Variants in TFEC observed in about 807,000 individuals in gnomAD.
TFEC encodes class E basic helix-loop-helix protein 34.
TFEC carries 31 observed loss-of-function variants against 41.6 expected under a neutral mutation model. The observed-to-expected ratio is 0.74, with a 90% CI of 0.56 to 1.01. TFEC has a LOEUF of 1.01. Ranked by LOEUF, TFEC falls within the 50% of genes least tolerant of loss-of-function variation. The pLI, the probability that TFEC is intolerant of heterozygous loss-of-function variation, is 0.00. For synonymous variants in TFEC, 143 were observed against 140.6 expected (o/e 1.02, Z -0.12); for missense variants, 402 against 404.1 (o/e 0.99, Z 0.04).
chr7:116,010,135 G>A (rs896596794), intron 1 of TFEC, among the ~76,000 whole-genome samples: 1 of 152,154 alleles, frequency 6.6e-6, no homozygotes, highest in African/African-American at 2.4e-5. Context: ...TGGAGCTAGA[G>A]CAGAAAAATA....
chr7:116,027,414 C>T (rs922131670), intron 1 of TFEC, among the ~76,000 whole-genome samples: 5 of 151,938 alleles, frequency 3.3e-5, no homozygotes, highest in African/African-American at 1.2e-4. Flanking sequence ...GACCCCCCAT[C>T]TCTACAAAAA....
intron 1 of TFEC, among the ~76,000 whole-genome samples, chr7:116,112,637 T>C (rs1202020789): frequency 6.6e-6 from 1 of 151,966 alleles, no homozygotes; most frequent in Non-Finnish European, 1.5e-5. Context: ...AGACTAATGT[T>C]TTCTATGACA....
At chr7:115,968,241 CCTT>C (rs1276535608) in intron 3 of TFEC, 1 of 1,530,340 alleles carries the variant, frequency 6.5e-7, no homozygotes, top group South Asian at 1.2e-5. Context: ...TTCTCTTTCT[CCTT>C]CATCATTTTC....
At chr7:116,019,152 G>A (rs1329701134) in intron 1 of TFEC, among the ~76,000 whole-genome samples, 1 of 152,096 alleles carries the variant, frequency 6.6e-6, no homozygotes, top group African/African-American at 2.4e-5. Context: ...GGAAGACTGA[G>A]AGCTATGGTC....
At chr7:115,984,902 C>T (rs1793783969) in intron 1 of TFEC, among the ~76,000 whole-genome samples, 1 of 151,938 alleles carries the variant, frequency 6.6e-6, no homozygotes, top group Non-Finnish European at 1.5e-5. Context: ...CTTTATATTA[C>T]ACATAAATAT....
chr7:115,999,844 C>CAA (rs71137145), intron 1 of TFEC, among the ~76,000 whole-genome samples: 22,075 of 130,862 alleles, frequency 0.17, 2,540 homozygotes, highest in East Asian at 0.36. Context: ...AGTCTCCTAG[C>CAA]AAAAAAAAAA....
chr7:116,130,267 C>G (rs1243314724), intron 1 of TFEC, among the ~76,000 whole-genome samples: 1 of 152,106 alleles, frequency 6.6e-6, no homozygotes, highest in Non-Finnish European at 1.5e-5. Context: ...ACTAGCTAGA[C>G]TATGAATTTC....
intron 2 of TFEC, 70 bp from the exon 3 acceptor site, chr7:115,974,326 G>C: frequency 2.4e-6 from 3 of 1,230,332 alleles, no homozygotes; most frequent in Non-Finnish European, 3.2e-6. Context: ...TGAAAACAGA[G>C]AGAAAAATTC....
At chr7:116,074,598 C>CAAT (rs759881043) in intron 3 of TFEC, among the ~76,000 whole-genome samples, 1 of 151,864 alleles carries the variant, frequency 6.6e-6, no homozygotes, top group East Asian at 1.9e-4. Context: ...GCAAGAAGAC[C>CAAT]AATAATAATA....
intron 1 of TFEC, among the ~76,000 whole-genome samples, chr7:116,131,723 G>A (rs1338770151): frequency 6.6e-6 from 1 of 151,910 alleles, no homozygotes. Context: ...GTTCCATCTT[G>A]TTTCTATCAT....
chr7:116,083,153 G>T (rs1024503041), intron 3 of TFEC, among the ~76,000 whole-genome samples: 1 of 151,674 alleles, frequency 6.6e-6, no homozygotes, highest in Non-Finnish European at 1.5e-5. Context: ...ATTAGTATTT[G>T]ACTATAAGTG....
At chr7:116,110,374 A>G (rs746927297) in intron 3 of TFEC, among the ~76,000 whole-genome samples, 7 of 152,132 alleles carry the variant, frequency 4.6e-5, no homozygotes, top group Non-Finnish European at 1.0e-4. Context: ...AGATGATATA[A>G]AACTTCTTTG....
At position 116,088,337 on chromosome 7, in the gene TFEC, C is replaced by G. The variant is rs1188090624; in HGVS notation, c.198+22371G>C. 3.9e-5 allele frequency among the ~76,000 whole-genome samples: 6 copies of G among 152,216 alleles called. No individual in the cohort carries two copies. The East Asian group carries it at 1.2e-3, about 29-fold the overall frequency. ...TGTCTTTCCAATTAGACTGTCAACT[C>G]TCTGATAAGAGGAACTGCCTTAATC... On this transcript the variant is annotated intron_variant, in intron 3 of 8. Coordinates refer to the TFEC transcript ENST00000484212.
intron 1 of TFEC, among the ~76,000 whole-genome samples, chr7:116,142,633 G>T (rs1798564433): frequency 6.6e-6 from 1 of 152,096 alleles, no homozygotes; most frequent in African/African-American, 2.4e-5. Flanking sequence ...TGCTCTTAAG[G>T]TGCTTTTTCT....
At chr7:115,996,925 G>A (rs1794391670) in intron 1 of TFEC, among the ~76,000 whole-genome samples, 1 of 152,156 alleles carries the variant, frequency 6.6e-6, no homozygotes, top group Admixed American at 6.5e-5. Flanking sequence ...GTAGAAAAGA[G>A]AACCAGGTAG....
At chr7:116,110,603 T>G (rs1797831367) in intron 3 of TFEC, 2 of 850,116 alleles carry the variant, frequency 2.4e-6, no homozygotes, top group Non-Finnish European at 3.2e-6. Context: ...TTTATTCTTG[T>G]TTTTTTCCTT....
chr7:116,089,567 C>G (rs771714363), intron 3 of TFEC, among the ~76,000 whole-genome samples: 1 of 152,066 alleles, frequency 6.6e-6, no homozygotes, highest in Non-Finnish European at 1.5e-5. Context: ...ACTGGTCTTA[C>G]AGGCTAGAAA....
At chr7:115,963,834 G>A (rs1191478811) in intron 3 of TFEC, among the ~76,000 whole-genome samples, 1 of 151,582 alleles carries the variant, frequency 6.6e-6, no homozygotes, top group African/African-American at 2.4e-5. Flanking sequence ...TTAGGAAATG[G>A]ATAGTGGTGA....
At chr7:116,156,900 T>A (rs1024824885) in intron 1 of TFEC, among the ~76,000 whole-genome samples, 1 of 152,196 alleles carries the variant, frequency 6.6e-6, no homozygotes, top group African/African-American at 2.4e-5. Flanking sequence ...CACATATACA[T>A]TTTATACTAT....
Sources: allele counts gnomAD v4.1 joint callset (sites outside exome capture counted in the v4.1 genomes callset), GRCh38; gene constraint gnomAD v4.1.1; transcripts MANE v1.5; gene names NCBI Gene and HGNC (gene_info 2026-07-23, HGNC 2026-07-21).